Variants in RORA observed in about 807,000 individuals in gnomAD.
RORA encodes the protein nuclear receptor ROR-alpha.
A neutral mutation model predicts 69.5 loss-of-function variants in RORA; 7 were observed. That is an observed-to-expected ratio of 0.10 (90% CI 0.06 to 0.19). RORA has a LOEUF of 0.19. Ranked by LOEUF, RORA falls within the 10% of genes least tolerant of loss-of-function variation. The probability of loss-of-function intolerance (pLI) is 1.00; values close to 1 mark genes in which losing one functional copy is unlikely to be tolerated. For synonymous variants in RORA, 261 were observed against 240.8 expected (o/e 1.08, Z -0.78); for missense variants, 457 against 663.0 (o/e 0.69, Z 3.41).
chr15:60,902,453 C>T (rs941894670), intron 1 of RORA, among the ~76,000 whole-genome samples: 7 of 152,140 alleles, frequency 4.6e-5, no homozygotes, highest in Admixed American at 3.9e-4. Flanking sequence ...TCCATTTACA[C>T]GTGAGAATGG....
intron 2 of RORA, among the ~76,000 whole-genome samples, chr15:60,566,898 G>A (rs935332992): frequency 4.6e-5 from 7 of 152,100 alleles, no homozygotes; most frequent in Non-Finnish European, 2.9e-5. Context: ...AGCCAGGTTG[G>A]CGGGACCTAA....
chr15:60,628,136 G>A (rs1249514157), intron 2 of RORA, among the ~76,000 whole-genome samples: 4 of 152,038 alleles, frequency 2.6e-5, no homozygotes, highest in African/African-American at 7.3e-5. Context: ...TGATTATTTC[G>A]CTAGTTTTTA....
At chr15:61,140,685 A>T (rs1049006034) in intron 1 of RORA, among the ~76,000 whole-genome samples, 5 of 152,126 alleles carry the variant, frequency 3.3e-5, no homozygotes, top group African/African-American at 7.2e-5. Context: ...GGGAGAAAAA[A>T]AAACCTCATA....
intron 3 of RORA, 140 bp from the exon 4 acceptor site, chr15:60,514,897 A>G (rs1241181541): frequency 3.2e-6 from 2 of 620,786 alleles, no homozygotes; most frequent in Admixed American, 3.2e-5. Flanking sequence ...GGAGACCATT[A>G]ATGAAATTAA....
chr15:61,187,534 T>C (rs1163058041), intron 1 of RORA, among the ~76,000 whole-genome samples: 1 of 152,174 alleles, frequency 6.6e-6, no homozygotes, highest in Non-Finnish European at 1.5e-5. Context: ...AGTGGGCCCG[T>C]GTTATTCACG....
intron 1 of RORA, among the ~76,000 whole-genome samples, chr15:60,961,575 A>C (rs1024311915): frequency 1.3e-5 from 2 of 152,244 alleles, no homozygotes; most frequent in Non-Finnish European, 2.9e-5. Context: ...ATTTGGCCTA[A>C]GATATGAATG....
At chr15:61,118,493 AT>A (rs1295516311) in intron 1 of RORA, among the ~76,000 whole-genome samples, 5 of 152,136 alleles carry the variant, frequency 3.3e-5, no homozygotes, top group Non-Finnish European at 4.4e-5. Flanking sequence ...GTTTCAGCAG[AT>A]TTTCTCACTC....
At chr15:60,586,849 G>C (rs1476091939) in intron 2 of RORA, among the ~76,000 whole-genome samples, 1 of 152,060 alleles carries the variant, frequency 6.6e-6, no homozygotes, top group Non-Finnish European at 1.5e-5. Context: ...AGTCATTAAG[G>C]CCATTCCCCA....
chr15:60,939,777 C>A (rs1370763675), intron 1 of RORA, among the ~76,000 whole-genome samples: 2 of 152,224 alleles, frequency 1.3e-5, no homozygotes, highest in Non-Finnish European at 2.9e-5. Context: ...TGTACCCCTG[C>A]AATGTTTATG....
rs34024444 is a variant in RORA, at chr15:60,943,306, ATT to A, written c.167-264622_167-264621del. On this transcript the variant is annotated intron_variant, in intron 1 of 10. Transcript: ENST00000335670. Reference sequence around the variant, plus strand: ...TTTAACCTCTCACATGTCTTTCTTAATTTTTTTTTTTTTTCACTTTTAAAGTT... The same window carrying A: ...TTTAACCTCTCACATGTCTTTCTTAATTTTTTTTTTTTCACTTTTAAAGTT... Among the ~76,000 whole-genome samples, 343 of 146,340 alleles carry A rather than the reference ATT, an allele frequency of 2.3e-3. 1 individual carries two copies. The highest frequency in any genetic ancestry group is 8.1e-3 in the African/African-American group (321 of 39,732).
chr15:60,929,987 C>T (rs1392268491), intron 1 of RORA, among the ~76,000 whole-genome samples: 1 of 152,150 alleles, frequency 6.6e-6, no homozygotes, highest in African/African-American at 2.4e-5. Context: ...GAACTTTCTG[C>T]AATGATGGAA....
chr15:60,688,535 T>A (rs998985529), intron 1 of RORA, among the ~76,000 whole-genome samples: 1 of 152,216 alleles, frequency 6.6e-6, no homozygotes, highest in Non-Finnish European at 1.5e-5. Context: ...CTGTGACTGT[T>A]AGGAGACCCA....
Position 60,905,585 on chromosome 15 carries a change from G to A in RORA, c.167-226899C>T, listed in dbSNP as rs1891513414. ...GAAAGTAGGTCTGAGGCAAGGGGTA[G>A]CATAACTATTATTTCAATTAATAAA... On this transcript the variant is annotated intron_variant, in intron 1 of 10. Coordinates refer to ENST00000335670, the MANE Select transcript of RORA (RefSeq NM_134261.3). The surrounding 1 kb of genome is among the most constrained non-coding windows in gnomAD (Gnocchi z 4.8). 6.6e-6 allele frequency among the ~76,000 whole-genome samples: 1 copy of A among 152,208 alleles called. No individual in the cohort carries two copies. Among genetic ancestry groups the A allele is most frequent in the South Asian group, 2.1e-4 (1 of 4,834 alleles).
chr15:60,811,637 A>G (rs2072744234), intron 1 of RORA, among the ~76,000 whole-genome samples: 1 of 152,376 alleles, frequency 6.6e-6, no homozygotes, highest in African/African-American at 2.4e-5. Flanking sequence ...GATATAATAC[A>G]GAAACATTCT....
chr15:61,068,960 C>T (rs1318911026), intron 1 of RORA, among the ~76,000 whole-genome samples: 1 of 152,208 alleles, frequency 6.6e-6, no homozygotes, highest in African/African-American at 2.4e-5. Flanking sequence ...TCTTAATATA[C>T]TGTACGTAAT....
chr15:60,858,644 T>C (rs1380607016), intron 1 of RORA, among the ~76,000 whole-genome samples: 1 of 151,490 alleles, frequency 6.6e-6, no homozygotes, highest in Admixed American at 6.6e-5. Context: ...TCAAACCACC[T>C]GCCTGGGTTT....
chr15:61,101,895 G>A (rs997237205), intron 1 of RORA, among the ~76,000 whole-genome samples: 1 of 152,100 alleles, frequency 6.6e-6, no homozygotes, highest in African/African-American at 2.4e-5. Flanking sequence ...GGGTCTTGGT[G>A]ATAGAATCCA....
chr15:60,961,999 T>C (rs1399258999), intron 1 of RORA, among the ~76,000 whole-genome samples: 1 of 152,212 alleles, frequency 6.6e-6, no homozygotes, highest in Non-Finnish European at 1.5e-5. Context: ...ATGGGCAGAT[T>C]CTGTTGGAAC....
At chr15:60,778,300 AT>A (rs35668786) in intron 1 of RORA, among the ~76,000 whole-genome samples, 4 of 148,898 alleles carry the variant, frequency 2.7e-5, no homozygotes, top group East Asian at 3.9e-4. Context: ...GGTTATTGTG[AT>A]TTTTTTTTTC....
Sources: gnomAD v4.1 joint callset for allele counts (sites outside exome capture counted in the v4.1 genomes callset) on GRCh38, gnomAD v4.1.1 for gene constraint, Gnocchi (gnomAD v3.1) non-coding constraint, MANE v1.5 for transcripts, NCBI Gene and HGNC (gene_info 2026-07-23, HGNC 2026-07-21) for gene names.